CAST: variants seen among roughly 807,000 people sequenced by gnomAD.
The protein encoded by CAST is MIR583 host.
In CAST, 76 loss-of-function variants were observed where a neutral mutation model predicts 119.6. That is an observed-to-expected ratio of 0.64 (90% CI 0.53 to 0.77). The LOEUF (loss-of-function observed/expected upper bound fraction) is 0.77. Ranked by LOEUF, CAST falls within the 30% of genes least tolerant of loss-of-function variation. CAST has a pLI of 0.00. For synonymous variants in CAST, 319 were observed against 331.6 expected (o/e 0.96, Z 0.41); for missense variants, 953 against 946.5 (o/e 1.01, Z -0.09).
the CAST span, among the ~76,000 whole-genome samples, chr5:96,335,676 C>T: frequency 6.6e-6 from 1 of 152,198 alleles, no homozygotes; most frequent in Non-Finnish European, 1.5e-5. Context: ...CTCACCAATT[C>T]CATCACCTGC....
rs879657172 is a variant in CAST at position 96,558,396 on chromosome 5, CA to C, written c.60+28523del. Reference sequence around the variant, plus strand: ...GAAATAGAGACACAAAAAAACCCTTCAAAAAAATCAGTGAATCCAGGAGCTG... The same window carrying C: ...GAAATAGAGACACAAAAAAACCCTTCAAAAAATCAGTGAATCCAGGAGCTG... On this transcript the variant is annotated intron_variant, in intron 1 of 11. Transcript: ENST00000505143. Among the ~76,000 whole-genome samples the C allele has an allele frequency of 1.9e-3, 279 of 150,512 alleles. 1 individual carries two copies. Among genetic ancestry groups the C allele is most frequent in the Non-Finnish European group, 2.9e-3 (197 of 67,382 alleles).
the CAST span, among the ~76,000 whole-genome samples, chr5:96,383,091 C>G: frequency 2.0e-5 from 3 of 152,136 alleles, no homozygotes; most frequent in African/African-American, 7.2e-5. Flanking sequence ...CTATAAACAA[C>G]TGGTTATGTG....
chr5:96,710,369 C>G (rs1302969987), intron 3 of CAST, among the ~76,000 whole-genome samples: 1 of 152,136 alleles, frequency 6.6e-6, no homozygotes. Context: ...TTTTAAATTA[C>G]CTAAAAGTGA....
At chr5:96,490,354 C>CTGTGTGTGTGTGTG in the CAST span, among the ~76,000 whole-genome samples, 6 of 149,504 alleles carry the variant, frequency 4.0e-5, no homozygotes, top group South Asian at 2.1e-4. Context: ...ATGTGTGTGT[C>CTGTGTGTGTGTGTG]TGTGTGTGTG....
the CAST span, among the ~76,000 whole-genome samples, chr5:96,431,768 C>A: frequency 1.3e-5 from 2 of 152,342 alleles, no homozygotes; most frequent in Non-Finnish European, 2.9e-5. Context: ...GCCGATTACT[C>A]ATCCGTGACT....
rs181087226 is a variant in CAST at position 96,741,607 on chromosome 5, G to A, written c.1098+27G>A. On this transcript the variant is annotated intron_variant, in intron 15 of 31. Transcript: ENST00000675179. ...TATAGTCACAGTCTACCTGACAGCAGTTGCTTTCCAGAGCCTGATCTAGCT... is the reference window on the plus strand; with the variant it reads ...TATAGTCACAGTCTACCTGACAGCAATTGCTTTCCAGAGCCTGATCTAGCT... 9.3e-6 allele frequency: 14 copies of A among 1,513,386 alleles called. No individual in the cohort carries two copies. In the African/African-American group the frequency reaches 1.8e-4, roughly 19 times the overall value. 93.7% of individuals were successfully genotyped at this position (1,513,386 alleles called of 1,614,324 possible).
At chr5:96,059,187 C>G in the CAST span, among the ~76,000 whole-genome samples, 1 of 152,072 alleles carries the variant, frequency 6.6e-6, no homozygotes, top group Non-Finnish European at 1.5e-5. Context: ...TCCTGGCTAC[C>G]TAGCATCATG....
At chr5:96,629,712 AT>A (rs1396246446) in intron 1 of CAST, among the ~76,000 whole-genome samples, 3 of 152,286 alleles carry the variant, frequency 2.0e-5, no homozygotes, top group Admixed American at 2.0e-4. Context: ...TCAGCATCTG[AT>A]TCAAGCAACA....
At chr5:96,700,461 A>G (rs1462565314) in intron 3 of CAST, among the ~76,000 whole-genome samples, 9 of 152,170 alleles carry the variant, frequency 5.9e-5, no homozygotes, top group African/African-American at 2.2e-4. Context: ...TCACCTTTTA[A>G]TGTACATAAT....
the CAST span, among the ~76,000 whole-genome samples, chr5:96,469,879 A>ATTATATATATATATAATAT: frequency 1.2e-4 from 13 of 107,420 alleles, no homozygotes; most frequent in Non-Finnish European, 2.5e-4. Flanking sequence ...ATATATATAT[A>ATTATATATATATATAATAT]ATATATATAT....
At chr5:96,673,226 C>A (rs1039012806) in intron 1 of CAST, among the ~76,000 whole-genome samples, 1 of 152,098 alleles carries the variant, frequency 6.6e-6, no homozygotes, top group Non-Finnish European at 1.5e-5. Context: ...ATTACCAGTT[C>A]TGGAAGGAGA....
the CAST span, among the ~76,000 whole-genome samples, chr5:96,519,814 C>T: frequency 6.6e-6 from 1 of 152,160 alleles, no homozygotes; most frequent in Non-Finnish European, 1.5e-5. Flanking sequence ...GCCATGTTGG[C>T]CAGCCTGGTC....
intron 1 of CAST, among the ~76,000 whole-genome samples, chr5:96,619,953 G>A (rs1747566979): frequency 6.6e-6 from 1 of 152,220 alleles, no homozygotes; most frequent in South Asian, 2.1e-4. Context: ...ATCTCTCCAA[G>A]CTCAAGTTTC....
At chr5:96,434,607 G>GGT in the CAST span, among the ~76,000 whole-genome samples, 278 of 147,394 alleles carry the variant, frequency 1.9e-3, 1 homozygote, top group South Asian at 5.8e-3. Flanking sequence ...TGGGAAGTTT[G>GGT]TTTTTTTTTT....
At chr5:95,996,513 C>T in the CAST span, among the ~76,000 whole-genome samples, 1 of 152,138 alleles carries the variant, frequency 6.6e-6, no homozygotes, top group South Asian at 2.1e-4. Context: ...GTTTGTAAAA[C>T]ATCAGCACTG....
chr5:96,658,367 C>T (rs141902988), upstream of CAST, among the ~76,000 whole-genome samples: 9 of 152,158 alleles, frequency 5.9e-5, no homozygotes, highest in African/African-American at 2.2e-4. Context: ...ATGGAAAAAG[C>T]ACCCATTATT....
At chr5:96,700,224 T>G (rs1364269338) in intron 3 of CAST, among the ~76,000 whole-genome samples, 2 of 152,216 alleles carry the variant, frequency 1.3e-5, no homozygotes. Context: ...GTTTTTATTT[T>G]AATAATTATG....
chr5:95,975,281 C>T, the CAST span, among the ~76,000 whole-genome samples: 39,386 of 151,900 alleles, frequency 0.26, 5,514 homozygotes, highest in African/African-American at 0.38. Context: ...TTTGGGTTGG[C>T]GATACCCTAG....
At chr5:96,366,761 C>T in the CAST span, among the ~76,000 whole-genome samples, 2 of 152,164 alleles carry the variant, frequency 1.3e-5, no homozygotes, top group South Asian at 2.1e-4. Context: ...AGCTTCTTTA[C>T]GATGGGTTCA....
Sources: allele counts gnomAD v4.1 joint callset (sites outside exome capture counted in the v4.1 genomes callset), GRCh38; gene constraint gnomAD v4.1.1; transcripts MANE v1.5; gene names NCBI Gene and HGNC (gene_info 2026-07-23, HGNC 2026-07-21).